MRAP2: variants seen among roughly 807,000 people sequenced by gnomAD.
MRAP2 encodes the protein melanocortin-2 receptor accessory protein 2.
In MRAP2, 20 loss-of-function variants were observed where a neutral mutation model predicts 17.4. The observed-to-expected ratio is 1.15, with a 90% CI of 0.81 to 1.67. MRAP2 has a LOEUF of 1.67. Ranked by LOEUF, MRAP2 falls within the 40% of genes most tolerant of loss-of-function variation. The pLI is 0.00. For missense variants in MRAP2, 238 were observed against 240.0 expected (o/e 0.99, Z 0.05); for synonymous variants, 96 against 88.4 (o/e 1.09, Z -0.48).
the MRAP2 span, among the ~76,000 whole-genome samples, chr6:84,113,819 G>A: frequency 6.6e-6 from 1 of 152,160 alleles, no homozygotes; most frequent in Admixed American, 6.5e-5. Flanking sequence ...GTCTGTAAAG[G>A]ATTTCATTTC....
chr6:84,037,622 GC>G lies in MRAP2; in HGVS notation c.-8+3743del, dbSNP rs2099486476. On this transcript the variant is annotated intron_variant, in intron 1 of 3. Transcript: ENST00000257776. ...TGGCGGGCTGCAGGTCCTGAGCTCT[GC>G]CCCACAGGGAGGCGGCTGAGGCCCG... Among the ~76,000 whole-genome samples, 2 of 152,204 alleles carry G rather than the reference GC, an allele frequency of 1.3e-5. 1 individual carries two copies. Among genetic ancestry groups the G allele is most frequent in the South Asian group, 4.1e-4 (2 of 4,830 alleles).
At chr6:84,118,850 G>A in the MRAP2 span, among the ~76,000 whole-genome samples, 1 of 151,214 alleles carries the variant, frequency 6.6e-6, no homozygotes, top group Admixed American at 6.6e-5. Flanking sequence ...TTTAACCTAA[G>A]TTAATTTTTA....
At chr6:84,133,668 C>A in the MRAP2 span, among the ~76,000 whole-genome samples, 1 of 152,176 alleles carries the variant, frequency 6.6e-6, no homozygotes, top group East Asian at 1.9e-4. Context: ...CTGAGCCATG[C>A]GCGGGATATA....
At chr6:84,117,282 C>A in the MRAP2 span, among the ~76,000 whole-genome samples, 2 of 152,208 alleles carry the variant, frequency 1.3e-5, no homozygotes, top group South Asian at 2.1e-4. Context: ...CTTGGCCTCC[C>A]AAAGTACTGG....
At chr6:84,118,510 AAGC>A in the MRAP2 span, among the ~76,000 whole-genome samples, 1 of 152,268 alleles carries the variant, frequency 6.6e-6, no homozygotes, top group African/African-American at 2.4e-5. Flanking sequence ...GTCCTTAAAG[AAGC>A]AGTCTGACCA....
intron 1 of MRAP2, among the ~76,000 whole-genome samples, chr6:84,046,194 A>G (rs1274075079): frequency 6.6e-6 from 1 of 152,166 alleles, no homozygotes; most frequent in Non-Finnish European, 1.5e-5. Flanking sequence ...ACAAAATGAT[A>G]ATTGTTAATA....
intron 2 of MRAP2, among the ~76,000 whole-genome samples, chr6:84,056,837 A>G (rs1176248631): frequency 3.9e-5 from 6 of 152,128 alleles, no homozygotes; most frequent in African/African-American, 1.4e-4. Context: ...TGCTGCTGTA[A>G]TTTTGGTTGG....
chr6:84,048,607 T>G (rs571167871), intron 1 of MRAP2, among the ~76,000 whole-genome samples: 1 of 152,292 alleles, frequency 6.6e-6, no homozygotes, highest in South Asian at 2.1e-4. Flanking sequence ...TCAACCATGA[T>G]AGCATGTTGT....
At chr6:84,087,741 CACA>C (rs1445641384) in intron 3 of MRAP2, among the ~76,000 whole-genome samples, 3 of 152,190 alleles carry the variant, frequency 2.0e-5, no homozygotes, top group Non-Finnish European at 2.9e-5. Flanking sequence ...CCTTGACGTT[CACA>C]ACATGTTTGT....
chr6:84,092,903 A>G (rs1468189456), downstream of MRAP2, among the ~76,000 whole-genome samples: 1 of 152,204 alleles, frequency 6.6e-6, no homozygotes, highest in Non-Finnish European at 1.5e-5. Flanking sequence ...GAAGGAAAAA[A>G]TGAATCATCA....
intron 3 of MRAP2, among the ~76,000 whole-genome samples, chr6:84,075,051 A>G (rs941332206): frequency 7.2e-5 from 11 of 152,018 alleles, no homozygotes; most frequent in Non-Finnish European, 1.3e-4. Context: ...TCTTGCTTAA[A>G]CTCCATGTCT....
At chr6:84,137,367 G>GATC in the MRAP2 span, among the ~76,000 whole-genome samples, 1 of 152,120 alleles carries the variant, frequency 6.6e-6, no homozygotes, top group South Asian at 2.1e-4. Context: ...TAAACCCTAT[G>GATC]ATCATTCCAC....
chr6:84,070,219 G>T (rs1247550911), intron 3 of MRAP2, among the ~76,000 whole-genome samples: 1 of 152,072 alleles, frequency 6.6e-6, no homozygotes, highest in Admixed American at 6.6e-5. Flanking sequence ...TCTTTTCGAT[G>T]TAGGTGTTTA....
At chr6:84,048,394 G>A (rs1330314841) in intron 1 of MRAP2, among the ~76,000 whole-genome samples, 2 of 152,160 alleles carry the variant, frequency 1.3e-5, no homozygotes, top group Admixed American at 6.6e-5. Context: ...TTTAAAGCAT[G>A]CTTTTCCTAA....
chr6:84,114,152 G>A, the MRAP2 span, among the ~76,000 whole-genome samples: 1 of 152,074 alleles, frequency 6.6e-6, no homozygotes, highest in African/African-American at 2.4e-5. Flanking sequence ...AAATTCTCCT[G>A]GATAATATCC....
intron 3 of MRAP2, among the ~76,000 whole-genome samples, chr6:84,069,541 G>A (rs1157449397): frequency 3.3e-5 from 5 of 152,030 alleles, no homozygotes; most frequent in African/African-American, 4.8e-5. Context: ...CAACGATATC[G>A]GTCTGTAGTT....
chr6:84,070,300 G>T (rs996816306), intron 3 of MRAP2, among the ~76,000 whole-genome samples: 1 of 152,040 alleles, frequency 6.6e-6, no homozygotes, highest in Non-Finnish European at 1.5e-5. Flanking sequence ...TGTCATTATT[G>T]TGTTTCAGTT....
At position 84,089,775 on chromosome 6, in the gene MRAP2, C is replaced by A; in HGVS notation, c.*294C>A. On this transcript the variant is annotated 3_prime_UTR_variant, in exon 4 of 4. Transcript: ENST00000257776. ...TCCCAGGACAGCTTTGAATGTGGCCCAATACAAATTTTAAACTTTATTAAA... is the reference window on the plus strand; with the variant it reads ...TCCCAGGACAGCTTTGAATGTGGCCAAATACAAATTTTAAACTTTATTAAA... The A allele has an allele frequency of 3.3e-6, 1 of 304,998 alleles. No individual in the cohort carries two copies. Among genetic ancestry groups the A allele is most frequent in the Non-Finnish European group, 6.0e-6 (1 of 166,620 alleles). 18.9% of individuals were successfully genotyped at this position (304,998 alleles called of 1,614,324 possible). A position where few individuals can be genotyped will look rare whatever the true frequency, so the allele number is the denominator to read the frequency against.
At chr6:84,052,241 C>T (rs140401492) in intron 1 of MRAP2, among the ~76,000 whole-genome samples, 37 of 152,158 alleles carry the variant, frequency 2.4e-4, no homozygotes, top group African/African-American at 8.4e-4. Flanking sequence ...GTGGAGCTGC[C>T]GCTTCCTGCT....
Sources: gnomAD v4.1 joint callset for allele counts (sites outside exome capture counted in the v4.1 genomes callset) on GRCh38, gnomAD v4.1.1 for gene constraint, MANE v1.5 for transcripts, NCBI Gene and HGNC (gene_info 2026-07-23, HGNC 2026-07-21) for gene names.